The following NCOA6 variants were observed in gnomAD, a reference collection of about 807,000 sequenced individuals.
NCOA6 encodes the protein NRC RAP250.
A neutral mutation model predicts 171.4 loss-of-function variants in NCOA6; 49 were observed. The ratio of observed to expected loss-of-function variants is 0.29; its 90% confidence interval spans 0.23 to 0.36. The LOEUF is 0.36. NCOA6 is among the 10% of genes least tolerant of loss of function. The probability of loss-of-function intolerance (pLI) is 1.00; values close to 1 mark genes in which losing one functional copy is unlikely to be tolerated. For missense variants in NCOA6, 2,248 were observed against 2,554.5 expected (o/e 0.88, Z 2.59); for synonymous variants, 910 against 927.5 (o/e 0.98, Z 0.34).
At chr20:34,775,698 A>G (rs954426808) in intron 4 of NCOA6, among the ~76,000 whole-genome samples, 23 of 151,378 alleles carry the variant, frequency 1.5e-4, no homozygotes, top group South Asian at 2.1e-4. Flanking sequence ...AAAAAGAAAA[A>G]AAAAAGAAAA....
chr20:34,749,779 T>C lies in NCOA6; in HGVS notation c.2416A>G (p.Thr806Ala). ...HMAQQHGDPA[T>A]TANNDVSLSQ... is the part of the protein sequence containing the mutation. ...AAACTGACATCGTTATTTGCTGTAG[T>C]AGCAGGATCACCATGCTGCTGGGCC... The change falls in exon 9 of 15, where the codon ACT becomes GCT. Residue 806 changes from threonine to alanine, a missense_variant. Coordinates refer to ENST00000359003, the MANE Select transcript of NCOA6 (RefSeq NM_014071.5). 3 of 1,614,236 alleles carry C rather than the reference T, an allele frequency of 1.9e-6. No individual in the cohort carries two copies. The highest frequency in any genetic ancestry group is 1.7e-6 in the Non-Finnish European group (2 of 1,180,030).
At chr20:34,748,113 G>C (rs907602402) in intron 9 of NCOA6, among the ~76,000 whole-genome samples, 5 of 151,992 alleles carry the variant, frequency 3.3e-5, no homozygotes, top group African/African-American at 9.7e-5. Context: ...ATTTCCCTAA[G>C]GGCTGGTGAA....
chr20:34,744,393 A>G (rs188148553), intron 10 of NCOA6, among the ~76,000 whole-genome samples: 300 of 152,330 alleles, frequency 2.0e-3, no homozygotes, highest in African/African-American at 6.6e-3. Flanking sequence ...TGTGGGAAAA[A>G]GTGGGCATAC....
At position 34,747,022 on chromosome 20, in the gene NCOA6, GA is replaced by G; in HGVS notation, c.2793-95del. The stretch of plus-strand genomic sequence containing the variant: ...GCTTAACCCTTCCCCTATTTCTGAA[GA>G]ACTAAAATGTTTGCATTACCATTAT... On this transcript the variant is annotated intron_variant, in intron 9 of 14. Coordinates refer to ENST00000359003, the MANE Select transcript of NCOA6 (RefSeq NM_014071.5). The G allele has an allele frequency of 2.5e-6, 3 of 1,224,248 alleles. 1 individual carries two copies. The South Asian group carries it at 6.2e-5, about 25-fold the overall frequency. 75.8% of individuals were successfully genotyped at this position (1,224,248 alleles called of 1,614,324 possible).
intron 2 of NCOA6, among the ~76,000 whole-genome samples, chr20:34,783,681 T>TTCGGCTCACTGCAAC (rs2077577593): frequency 6.6e-6 from 1 of 152,140 alleles, no homozygotes; most frequent in African/African-American, 2.4e-5. Flanking sequence ...TGCACTGCGG[T>TTCGGCTCACTGCAAC]GGCACAATTC....
chr20:34,746,787 T>G lies in NCOA6; in HGVS notation c.2914+20A>C. On this transcript the variant is annotated intron_variant, in intron 10 of 14. Coordinates refer to ENST00000359003, the MANE Select transcript of NCOA6 (RefSeq NM_014071.5). ...ACATGCACATGTAATAAGTATATAATCTAGCTAACATTTTATCACCTGGTG... is the reference window on the plus strand; with the variant it reads ...ACATGCACATGTAATAAGTATATAAGCTAGCTAACATTTTATCACCTGGTG... 2 of 1,599,872 alleles carry G rather than the reference T, an allele frequency of 1.3e-6. No individual in the cohort carries two copies. The highest frequency in any genetic ancestry group is 2.2e-5 in the South Asian group (2 of 89,474).
At chr20:34,715,389 T>C in intron 14 of NCOA6, 24 bp from the exon 15 acceptor site, 1 of 1,573,124 alleles carries the variant, frequency 6.4e-7, no homozygotes, top group Non-Finnish European at 8.8e-7. Flanking sequence ...AAAGGACATG[T>C]TCAGTGGAAG....
In NCOA6 at chr20:34,802,984, T is replaced by C. The variant is rs772788011; in HGVS notation, c.-163-10421A>G. ...CTCCACCATGCCCGGCTAATTTTCG[T>C]ATTTTTTGTAGAGACAGGGTTTTAT... On this transcript the variant is annotated intron_variant, in intron 1 of 14. Transcript: ENST00000359003. Among the ~76,000 whole-genome samples, 165 of 151,698 alleles carry C rather than the reference T, an allele frequency of 1.1e-3. 2 individuals carry two copies. The highest frequency in any genetic ancestry group is 3.9e-4 in the Admixed American group (6 of 15,222).
intron 14 of NCOA6, 38 bp from the exon 15 acceptor site, chr20:34,715,403 C>A (rs1198824481): frequency 6.7e-7 from 1 of 1,487,856 alleles, no homozygotes; most frequent in Non-Finnish European, 9.4e-7. Flanking sequence ...GTGGAAGTAA[C>A]TCTTTACAGC....
At chr20:34,724,810 A>G (rs1989766700) in intron 14 of NCOA6, among the ~76,000 whole-genome samples, 1 of 146,474 alleles carries the variant, frequency 6.8e-6, no homozygotes, top group Admixed American at 6.8e-5. Context: ...TTTTTTTGAG[A>G]TGGAGTCTCA....
intron 4 of NCOA6, among the ~76,000 whole-genome samples, chr20:34,769,812 A>AAC (rs950447973): frequency 1.3e-5 from 2 of 152,040 alleles, no homozygotes; most frequent in Admixed American, 6.6e-5. Flanking sequence ...TGAAACAAGC[A>AAC]ACAGAATGTT....
intron 1 of NCOA6, among the ~76,000 whole-genome samples, chr20:34,803,983 A>AAC (rs570112607): frequency 4.1e-4 from 62 of 151,406 alleles, no homozygotes; most frequent in South Asian, 2.7e-3. Flanking sequence ...CACCGTTTAA[A>AAC]AAAAAAAACA....
intron 7 of NCOA6, among the ~76,000 whole-genome samples, chr20:34,756,809 C>T (rs2076654152): frequency 6.6e-6 from 1 of 152,170 alleles, no homozygotes; most frequent in South Asian, 2.1e-4. Context: ...AAATTGATAA[C>T]TAAAAGGGCC....
intron 1 of NCOA6, among the ~76,000 whole-genome samples, chr20:34,795,261 C>G (rs2078025833): frequency 6.6e-6 from 1 of 152,134 alleles, no homozygotes; most frequent in African/African-American, 2.4e-5. Context: ...GAGATTACTT[C>G]CGAATTGCAA....
In NCOA6 at chr20:34,750,438, C is replaced by G. The variant is rs750088317; in HGVS notation, c.1757G>C (p.Gly586Ala). Residue 586 changes from glycine (G) to alanine (A), a missense_variant, in exon 9 of 15, where the codon GGA (glycine) becomes GCA (alanine). Gly to Ala is a moderately conservative substitution (Grantham distance 60, BLOSUM62 0). Coordinates refer to ENST00000359003, the MANE Select transcript of NCOA6 (RefSeq NM_014071.5). ...PPNMMQPSLM[G>A]IHGNMNNQQA... ...CTGATTGTTCATGTTGCCATGAATT[C>G]CCATGAGGCTGGGCTGCATCATATT... is the stretch of plus-strand genomic sequence containing the variant. The G allele has an allele frequency of 6.2e-7, 1 of 1,614,006 alleles. No individual in the cohort carries two copies. Among genetic ancestry groups the G allele is most frequent in the African/African-American group, 1.3e-5 (1 of 74,964 alleles).
At position 34,807,556 on chromosome 20, in the gene NCOA6, C is replaced by G. The variant is rs566233749; in HGVS notation, c.-163-14993G>C. On this transcript the variant is annotated intron_variant, in intron 1 of 14. Transcript: ENST00000359003. ...TTTTTTATTTTTTGAGATGGAGTCT[C>G]GCTCTGTCGCTCAGGCTGGAGCACA... is the stretch of plus-strand genomic sequence containing the variant. Among the ~76,000 whole-genome samples, 15 of 152,244 alleles carry G rather than the reference C, an allele frequency of 9.9e-5. No homozygotes were observed. In the South Asian group the frequency reaches 2.9e-3, roughly 29 times the overall value.
At chr20:34,715,953 A>ACG (rs972508699) in intron 14 of NCOA6, among the ~76,000 whole-genome samples, 1 of 152,100 alleles carries the variant, frequency 6.6e-6, no homozygotes, top group African/African-American at 2.4e-5. Context: ...GTGGTGGCTC[A>ACG]CGCCTGTAAT....
chr20:34,740,188 CTT>C (rs2076088451), intron 11 of NCOA6, among the ~76,000 whole-genome samples, 173 bp downstream of exon 11: 1 of 152,168 alleles, frequency 6.6e-6, no homozygotes, highest in African/African-American at 2.4e-5. Flanking sequence ...TGAATGCAAA[CTT>C]AACATGGGAT....
Position 34,742,884 on chromosome 20 carries a change from C to A in NCOA6, c.3372G>T (p.Ser1124=). ...GGAGTGAGGCCATCTCCGCCAGTGG[C>A]GAGCTGGAAGGATTCTGCGGGCTCT... The part of the protein sequence containing the change: ...YQESPQNPSS[S]PLAEMASLPE... Residue 1124 remains serine (S), a synonymous_variant, in exon 11 of 15, where the codon TCG becomes TCT. Coordinates refer to ENST00000359003, the MANE Select transcript of NCOA6 (RefSeq NM_014071.5). 1.9e-6 allele frequency: 3 copies of A among 1,614,194 alleles called. No homozygotes were observed. The highest frequency in any genetic ancestry group is 1.7e-6 in the Non-Finnish European group (2 of 1,180,034).
Sources: gnomAD v4.1 joint callset for allele counts (sites outside exome capture counted in the v4.1 genomes callset) on GRCh38, gnomAD v4.1.1 for gene constraint, MANE v1.5 for transcripts, NCBI Gene and HGNC (gene_info 2026-07-23, HGNC 2026-07-21) for gene names.